The following MSN variants were observed in gnomAD, a reference collection of about 807,000 sequenced individuals.
MSN encodes epididymis luminal protein 70.
In MSN, 2 loss-of-function variants were observed where a neutral mutation model predicts 48.0. The ratio of observed to expected loss-of-function variants is 0.04; its 90% CI spans 0.02 to 0.13. The LOEUF is 0.13. Ranked by LOEUF, MSN falls within the 10% of genes least tolerant of loss-of-function variation. MSN has a pLI of 1.00. For synonymous variants in MSN, 146 were observed against 166.9 expected (o/e 0.87, Z 0.97); for missense variants, 267 against 470.1 (o/e 0.57, Z 3.99).
At chrX:65,686,209 A>T (rs1247432463) in intron 1 of MSN, among the ~76,000 whole-genome samples, 1 of 112,961 alleles carries the variant, frequency 8.9e-6, no homozygotes, top group East Asian at 2.8e-4. Context: ...GAGAGTATTG[A>T]TTATGTTGAA....
At chrX:65,729,945 A>G (rs1185077111) in intron 4 of MSN, among the ~76,000 whole-genome samples, 1 of 112,541 alleles carries the variant, frequency 8.9e-6, no homozygotes, top group African/African-American at 3.2e-5. Flanking sequence ...TGGTTACAGA[A>G]CTTTATTACC....
At chrX:65,608,665 G>T (rs1457401816) in intron 1 of MSN, among the ~76,000 whole-genome samples, 6 of 111,092 alleles carry the variant, frequency 5.4e-5, no homozygotes. Context: ...GAACATTGAG[G>T]TGAGGTGTTG....
chrX:65,613,322 G>A (rs1334334753), intron 1 of MSN, among the ~76,000 whole-genome samples: 1 of 114,961 alleles, frequency 8.7e-6, no homozygotes, highest in Non-Finnish European at 1.9e-5. Context: ...TGCAAATAGT[G>A]CTGCAATAAA....
intron 1 of MSN, among the ~76,000 whole-genome samples, chrX:65,593,861 GT>G (rs2070167262): frequency 8.9e-6 from 1 of 112,546 alleles, no homozygotes; most frequent in South Asian, 3.6e-4. Flanking sequence ...ATTTGGTAGG[GT>G]AAAAAGCAGT....
At position 65,724,978 on chromosome X, in the gene MSN, C is replaced by T. The variant is rs781560985; in HGVS notation, c.97-2836C>T. ...CTGGGATTATAAGCGTGAGCCAACA[C>T]GCCCAGCCCATTTTATGTTCTTATA... On this transcript the variant is annotated intron_variant, in intron 2 of 12. Coordinates refer to ENST00000360270, the MANE Select transcript of MSN (RefSeq NM_002444.3). Among the ~76,000 whole-genome samples, 163 of 111,974 alleles carry T rather than the reference C, an allele frequency of 1.5e-3. 1 individual carries two copies. The highest frequency in any genetic ancestry group is 4.6e-3 in the Middle Eastern group (1 of 218).
At chrX:65,690,436 GGGT>G (rs1391390998) in intron 1 of MSN, among the ~76,000 whole-genome samples, 2 of 111,937 alleles carry the variant, frequency 1.8e-5, no homozygotes, top group African/African-American at 3.2e-5. Flanking sequence ...CTGGAGGAAG[GGGT>G]GGGGTTAACT....
chrX:65,631,877 T>G (rs2070561706), intron 1 of MSN, among the ~76,000 whole-genome samples: 1 of 111,470 alleles, frequency 9.0e-6, no homozygotes, highest in Non-Finnish European at 1.9e-5. Context: ...GGAATCAAAC[T>G]AAAGACCCAG....
At position 65,636,776 on chromosome X, in the gene MSN, C is replaced by A. The variant is rs868506747; in HGVS notation, c.-22+48164C>A. On this transcript the variant is annotated intron_variant, in intron 1 of 3. Transcript: ENST00000609672. ...AAAAAAAAAAAAAAAAAAAAAAAAC[C>A]AGAAAGAAAGAAAAGAAAAGAAGGG... Among the ~76,000 whole-genome samples, 572 of 82,813 alleles carry A rather than the reference C, an allele frequency of 6.9e-3. 22 individuals are homozygous for A. Among genetic ancestry groups the A allele is most frequent in the African/African-American group, 0.033 (540 of 16,539 alleles). The allele number at this position is 82,813 out of a possible 115,157, so 71.9% of individuals were successfully genotyped here. A position where few individuals can be genotyped will look rare whatever the true frequency, so the allele number is the denominator to read the frequency against.
intron 2 of MSN, among the ~76,000 whole-genome samples, chrX:65,719,302 G>A (rs1293824217): frequency 8.9e-6 from 1 of 112,175 alleles, no homozygotes; most frequent in Non-Finnish European, 1.9e-5. Context: ...TTTCTCATCT[G>A]TACAATGCCT....
At chrX:65,722,965 G>T (rs1314926284) in intron 2 of MSN, among the ~76,000 whole-genome samples, 1 of 109,871 alleles carries the variant, frequency 9.1e-6, no homozygotes, top group Non-Finnish European at 1.9e-5. Flanking sequence ...GAGGTAAAGG[G>T]TTTTTTTTTC....
chrX:65,615,245 G>C (rs1292410415), intron 1 of MSN, among the ~76,000 whole-genome samples: 1 of 108,474 alleles, frequency 9.2e-6, no homozygotes, highest in South Asian at 3.9e-4. Context: ...GGGTCAAATG[G>C]TATTTCCAGT....
chrX:65,618,878 C>T (rs1174929860), intron 1 of MSN, among the ~76,000 whole-genome samples: 44 of 111,168 alleles, frequency 4.0e-4, no homozygotes, highest in Non-Finnish European at 7.2e-4. Flanking sequence ...GTGCTTCCTT[C>T]AGGAGCTCTT....
chrX:65,636,000 A>G (rs1370773843), intron 1 of MSN, among the ~76,000 whole-genome samples: 1 of 112,274 alleles, frequency 8.9e-6, no homozygotes. Flanking sequence ...ATATCTCTCA[A>G]GAAGGAAGGG....
In MSN at chrX:65,602,734, C is replaced by T. The variant is rs779254727; in HGVS notation, c.-22+14122C>T. Among the ~76,000 whole-genome samples the T allele has an allele frequency of 5.3e-5, 6 of 112,184 alleles. No homozygotes were observed. The South Asian group carries it at 2.2e-3, about 41-fold the overall frequency. ...ATTGACAAAATGAAGATAAATTCTA[C>T]CTCACGGGGCTGTTGTGAGAATTAA... On this transcript the variant is annotated intron_variant, in intron 1 of 3. Transcript: ENST00000609672.
chrX:65,733,346 T>C, intron 7 of MSN, 66 bp downstream of exon 7: 5 of 882,942 alleles, frequency 5.7e-6, no homozygotes, highest in Admixed American at 2.3e-5. Context: ...GCAATCATGC[T>C]ATTCTATTTT....
intron 1 of MSN, among the ~76,000 whole-genome samples, chrX:65,608,213 G>T (rs775559757): frequency 9.0e-6 from 1 of 111,656 alleles, no homozygotes; most frequent in Non-Finnish European, 1.9e-5. Flanking sequence ...ATGAGACTGT[G>T]TGTGAGTTAA....
intron 1 of MSN, among the ~76,000 whole-genome samples, chrX:65,687,919 T>A (rs1258792210): frequency 2.7e-5 from 3 of 111,993 alleles, no homozygotes; most frequent in Non-Finnish European, 5.6e-5. Flanking sequence ...GGCAAGTTCT[T>A]CTGGAACCTC....
At chrX:65,683,975 C>T (rs184743114) in intron 1 of MSN, among the ~76,000 whole-genome samples, 1 of 89,640 alleles carries the variant, frequency 1.1e-5, no homozygotes, top group African/African-American at 4.3e-5. Flanking sequence ...GAGTCTTGCT[C>T]TGTTGCCCAG....
chrX:65,588,526 C>G (rs2070116209), exon 1 of MSN: 2 of 798,554 alleles, frequency 2.5e-6, no homozygotes, highest in African/African-American at 4.4e-5. Flanking sequence ...GCTGGCCACA[C>G]CACCCATCAG....
Sources: allele counts gnomAD v4.1 joint callset (sites outside exome capture counted in the v4.1 genomes callset), GRCh38; gene constraint gnomAD v4.1.1; transcripts MANE v1.5; gene names NCBI Gene and HGNC (gene_info 2026-07-23, HGNC 2026-07-21).